The following USP26 variants were observed in gnomAD, a reference collection of about 807,000 sequenced individuals.
The protein encoded by USP26 is ubiquitin specific peptidase 26, also known as ubiquitin carboxyl-terminal hydrolase 26.
For missense variants in USP26, 649 were observed against 642.3 expected, an observed-to-expected ratio of 1.01 and a Z score of -0.11; for synonymous variants, 236 against 240.6, an observed-to-expected ratio of 0.98 and a Z score of 0.18.
Position 133,081,408 on chromosome X carries a change from A to G in USP26, c.-77+2299T>C, listed in dbSNP as rs149534611. On this transcript the variant is annotated intron_variant, in intron 5 of 5. Coordinates refer to ENST00000511190, the MANE Select transcript of USP26 (RefSeq NM_031907.3). ...GCCTCCTGGATTCAAGAGATTTTCC[A>G]GCCTCAGCCTCCCAAGTAGCTGGGA... is the stretch of plus-strand genomic sequence containing the variant. Among the ~76,000 whole-genome samples the G allele has an allele frequency of 2.8e-3, 259 of 93,618 alleles. 5 individuals carry two copies. The highest frequency in any genetic ancestry group is 0.017 in the Middle Eastern group (3 of 177). The allele number at this position is 93,618 out of a possible 115,157, so 81.3% of individuals were successfully genotyped here.
intron 5 of USP26, chrX:133,045,990 G>A (rs965388832): frequency 8.9e-6 from 1 of 112,240 alleles, no homozygotes; most frequent in Admixed American, 9.4e-5. Flanking sequence ...TAGTGGGTAA[G>A]TTCATTTTTC....
At chrX:133,051,868 A>G (rs1270153788) in intron 5 of USP26, among the ~76,000 whole-genome samples, 2 of 112,390 alleles carry the variant, frequency 1.8e-5, no homozygotes, top group Non-Finnish European at 3.8e-5. Flanking sequence ...GAAGCCTTAA[A>G]TAGAAATTTT....
chrX:133,076,210 G>C (rs2067547839), intron 5 of USP26, among the ~76,000 whole-genome samples: 1 of 111,501 alleles, frequency 9.0e-6, no homozygotes, highest in Admixed American at 9.5e-5. Flanking sequence ...TGCTCTAGAT[G>C]CTATGGAGCT....
At position 133,028,182 on chromosome X, in the gene USP26, C is replaced by T. The variant is rs187171762; in HGVS notation, c.39G>A (p.Gly13=). The T allele has an allele frequency of 4.1e-6, 5 of 1,208,203 alleles. No homozygotes were observed. The highest frequency in any genetic ancestry group is 3.5e-5 in the African/African-American group (2 of 57,226). ...ACTTAGATATCCCAGTCTTGCAGTT[C>T]CCTATTTGGACAAAACCACGTAGGA... is the stretch of plus-strand genomic sequence containing the variant. ...ALFLRGFVQI[G]NCKTGISKSK... is the part of the protein sequence containing the mutation. The change falls in exon 6 of 6, where the codon GGG becomes GGA. Residue 13 remains glycine, a synonymous_variant. Transcript: ENST00000511190.
At chrX:133,075,298 C>T (rs1172535276) in intron 5 of USP26, among the ~76,000 whole-genome samples, 1 of 112,333 alleles carries the variant, frequency 8.9e-6, no homozygotes. Flanking sequence ...GCCTCTCTAA[C>T]TAGACTGTGA....
Position 133,024,349 on chromosome X carries a change from T to C in USP26, c.*1130A>G, listed in dbSNP as rs1414778443. 9.0e-6 allele frequency among the ~76,000 whole-genome samples: 1 copy of C among 110,879 alleles called. No individual in the cohort carries two copies. Among genetic ancestry groups the C allele is most frequent in the Non-Finnish European group, 1.9e-5 (1 of 53,076 alleles). On this transcript the variant is annotated 3_prime_UTR_variant, in exon 6 of 6. Transcript: ENST00000511190. Reference sequence around the variant, plus strand: ...AGAGGATTGTTCAAGGTTTCGCAGATGAAGTCCAGGTAAACAAAGTTCCTC... The same window carrying C: ...AGAGGATTGTTCAAGGTTTCGCAGACGAAGTCCAGGTAAACAAAGTTCCTC...
At chrX:133,049,132 C>T (rs779990714) in intron 5 of USP26, among the ~76,000 whole-genome samples, 4 of 111,926 alleles carry the variant, frequency 3.6e-5, no homozygotes, top group African/African-American at 6.5e-5. Context: ...TTTTCTACTG[C>T]GGTTGTTTTC....
chrX:133,032,006 G>C (rs1395073268), intron 5 of USP26, among the ~76,000 whole-genome samples: 1 of 111,028 alleles, frequency 9.0e-6, no homozygotes, highest in Non-Finnish European at 1.9e-5. Flanking sequence ...AATTAGCCAG[G>C]CATGGTGGCC....
In USP26 at chrX:133,027,690, G is replaced by C. The variant is rs1288090880; in HGVS notation, c.531C>G (p.His177Gln). 1 of 1,207,881 alleles carries C rather than the reference G, an allele frequency of 8.3e-7. No homozygotes were observed. The highest frequency in any genetic ancestry group is 1.8e-5 in the South Asian group (1 of 56,535). Reference sequence around the variant, plus strand: ...ATGAGAGCATTCTTTTCCTCTTCTTGTGCTGATTTTCTGATAACTCTCCGC... The same window carrying C: ...ATGAGAGCATTCTTTTCCTCTTCTTCTGCTGATTTTCTGATAACTCTCCGC... Reference protein sequence around the residue: ...LTCGELSENQHKKRKRMLSSS... With the variant: ...LTCGELSENQQKKRKRMLSSS... Residue 177 changes from histidine (H) to glutamine (Q), a missense_variant, in exon 6 of 6, where the codon CAC becomes CAG. Coordinates refer to ENST00000511190, the MANE Select transcript of USP26 (RefSeq NM_031907.3).
At chrX:133,039,952 T>A (rs1222705676) in intron 5 of USP26, among the ~76,000 whole-genome samples, 1 of 111,789 alleles carries the variant, frequency 8.9e-6, no homozygotes, top group Non-Finnish European at 1.9e-5. Flanking sequence ...GTAATGCCCT[T>A]CTTTGCCTTT....
chrX:133,089,249 C>G (rs2067599683), intron 4 of USP26, among the ~76,000 whole-genome samples: 1 of 111,599 alleles, frequency 9.0e-6, no homozygotes, highest in African/African-American at 3.3e-5. Context: ...AAAAGATACT[C>G]TTAGGATAGT....
intron 5 of USP26, among the ~76,000 whole-genome samples, chrX:133,045,599 C>T (rs777543069): frequency 5.4e-5 from 6 of 111,755 alleles, no homozygotes; most frequent in Non-Finnish European, 1.1e-4. Flanking sequence ...GACCACGAAC[C>T]CACCGGGAGG....
chrX:133,088,662 T>C (rs189092526), intron 4 of USP26, among the ~76,000 whole-genome samples: 255 of 112,304 alleles, frequency 2.3e-3, no homozygotes, highest in African/African-American at 7.9e-3. Context: ...CCTAGGTTTC[T>C]ACCTCTTGGG....
chrX:133,060,845 C>G (rs946086721), intron 5 of USP26, among the ~76,000 whole-genome samples: 2 of 110,647 alleles, frequency 1.8e-5, no homozygotes, highest in African/African-American at 6.6e-5. Context: ...AACTAAGGAT[C>G]AAAAATATTC....
At chrX:133,032,194 C>A (rs1006287425) in intron 5 of USP26, among the ~76,000 whole-genome samples, 35 of 110,735 alleles carry the variant, frequency 3.2e-4, no homozygotes, top group African/African-American at 8.9e-4. Context: ...AACCAACCAA[C>A]CAACCAAACA....
chrX:133,052,157 T>C (rs1366697146), intron 5 of USP26, among the ~76,000 whole-genome samples: 2 of 112,420 alleles, frequency 1.8e-5, no homozygotes, highest in Admixed American at 9.4e-5. Context: ...AATATCCTTA[T>C]GGATGTAGTC....
In USP26 at chrX:133,025,321, A is replaced by G; in HGVS notation, c.*158T>C. On this transcript the variant is annotated 3_prime_UTR_variant, in exon 6 of 6. Transcript: ENST00000511190. ...GGATTGAGGTGTCTGTGTCAGGATT[A>G]GAATGCAGATCTCCCCATTAAGTGT... 4 of 818,405 alleles carry G rather than the reference A, an allele frequency of 4.9e-6. No homozygotes were observed. Among genetic ancestry groups the G allele is most frequent in the Non-Finnish European group, 6.9e-6 (4 of 582,326 alleles). The allele number at this position is 818,405 out of a possible 1,213,427, so 67.4% of individuals were successfully genotyped here.
chrX:133,046,740 A>C (rs1305750711), intron 5 of USP26, among the ~76,000 whole-genome samples: 1 of 112,113 alleles, frequency 8.9e-6, no homozygotes, highest in East Asian at 2.8e-4. Context: ...GGAGTCTATA[A>C]CCCACTGTTT....
Position 133,025,732 on chromosome X carries a change from A to C in USP26, c.2489T>G (p.Val830Gly), listed in dbSNP as rs748851649. The C allele has an allele frequency of 4.1e-6, 5 of 1,211,443 alleles. No individual in the cohort carries two copies. Among genetic ancestry groups the C allele is most frequent in the Non-Finnish European group, 5.6e-6 (5 of 895,084 alleles). Residue 830 changes from valine to glycine, a missense_variant, in exon 6 of 6, where the codon GTC becomes GGC. Val to Gly is a moderately radical substitution (Grantham distance 109, BLOSUM62 -3). Coordinates refer to ENST00000511190, the MANE Select transcript of USP26 (RefSeq NM_031907.3). ...CTTTAGAGTCTTCCCAAGATGGCTG[A>C]CAACACTAATGAGCCGGTAGGTATG... The part of the protein sequence containing the change: ...GDHTYRLISV[V>G]SHLGKTLKSG...
Sources: allele counts gnomAD v4.1 joint callset (sites outside exome capture counted in the v4.1 genomes callset), GRCh38; gene constraint gnomAD v4.1.1; transcripts MANE v1.5; gene names NCBI Gene and HGNC (gene_info 2026-07-23, HGNC 2026-07-21).